FAM117B: variants seen among roughly 807,000 people sequenced by gnomAD.
The protein encoded by FAM117B is family with sequence similarity 117 member B, also known as protein FAM117B.
FAM117B carries 22 observed loss-of-function variants against 52.8 expected under a neutral mutation model. The ratio of observed to expected loss-of-function variants is 0.42; its 90% CI spans 0.30 to 0.59. FAM117B has a LOEUF of 0.59. Among genes scored for constraint, FAM117B ranks in the 20% least tolerant of loss-of-function variants. FAM117B has a pLI of 0.22. For missense variants in FAM117B, 678 were observed against 802.6 expected (o/e 0.84, Z 1.88); for synonymous variants, 309 against 324.1 (o/e 0.95, Z 0.50).
In FAM117B at chr2:202,635,092, T is replaced by C. The variant is rs1228189999; in HGVS notation, c.-96T>C. The C allele has an allele frequency of 4.9e-6, 6 of 1,235,892 alleles. No individual in the cohort carries two copies. The highest frequency in any genetic ancestry group is 3.1e-4 in the Middle Eastern group (1 of 3,200). 76.6% of individuals were successfully genotyped at this position (1,235,892 alleles called of 1,614,324 possible). On this transcript the variant is annotated 5_prime_UTR_variant, in exon 1 of 8. Coordinates refer to ENST00000392238, the MANE Select transcript of FAM117B (RefSeq NM_173511.4). ...GGAGTCCGGCTTCGTCACCCCGTCT[T>C]GGGGGGCCTGCCCTCCGGCCTCGAG...
At chr2:202,672,766 GGCTCAT>G (rs1244560355) in intron 1 of FAM117B, among the ~76,000 whole-genome samples, 1 of 152,118 alleles carries the variant, frequency 6.6e-6, no homozygotes, top group Non-Finnish European at 1.5e-5. Context: ...TGGGTGTGGT[GGCTCAT>G]GCCTGTAATC....
chr2:202,702,018 G>A lies in FAM117B; in HGVS notation c.753+5986G>A, dbSNP rs577940064. The stretch of plus-strand genomic sequence containing the variant: ...GTACTATGGGCAATATGCTACCCAC[G>A]CAGCATTGTGTGCTACAGAAAAATC... On this transcript the variant is annotated intron_variant, in intron 2 of 7. Coordinates refer to ENST00000392238, the MANE Select transcript of FAM117B (RefSeq NM_173511.4). 5.9e-4 allele frequency among the ~76,000 whole-genome samples: 90 copies of A among 152,282 alleles called. 1 individual carries two copies. The highest frequency in any genetic ancestry group is 2.0e-3 in the African/African-American group (84 of 41,552).
rs1001900146 is a variant in FAM117B, at chr2:202,731,591, C to T, written c.960+5228C>T. Among the ~76,000 whole-genome samples, 45 of 150,844 alleles carry T rather than the reference C, an allele frequency of 3.0e-4. No homozygotes were observed. In the East Asian group the frequency reaches 3.5e-3, roughly 12 times the overall value. ...GATTACAGGCACCTACCACCATGCC[C>T]GGCTAATTTTTTGAGTTTTTAGTAA... On this transcript the variant is annotated intron_variant, in intron 4 of 7. Coordinates refer to ENST00000392238, the MANE Select transcript of FAM117B (RefSeq NM_173511.4).
intron 2 of FAM117B, among the ~76,000 whole-genome samples, chr2:202,703,295 C>T (rs547796004): frequency 9.2e-5 from 14 of 152,234 alleles, no homozygotes; most frequent in African/African-American, 1.7e-4. Flanking sequence ...GCATCTGACT[C>T]ATTTCACTTA....
At position 202,634,994 on chromosome 2, in the gene FAM117B, A is replaced by AGCAGCGGCG. The variant is rs760350219; in HGVS notation, c.-192_-191insAGCGGCGGC. The stretch of plus-strand genomic sequence containing the variant: ...AGAGGAGACACTATTGTTGATGAGG[A>AGCAGCGGCG]GCGGCGGCGGCGGCGGCGGCGGCTG... On this transcript the variant is annotated 5_prime_UTR_variant, in exon 1 of 8. Transcript: ENST00000392238. Among the ~76,000 whole-genome samples, 13 of 147,534 alleles carry AGCAGCGGCG rather than the reference A, an allele frequency of 8.8e-5. No individual in the cohort carries two copies. Among genetic ancestry groups the AGCAGCGGCG allele is most frequent in the South Asian group, 4.2e-4 (2 of 4,728 alleles).
intron 1 of FAM117B, among the ~76,000 whole-genome samples, chr2:202,658,377 C>T (rs1690081345): frequency 6.6e-6 from 1 of 152,106 alleles, no homozygotes; most frequent in Non-Finnish European, 1.5e-5. Context: ...GATCTTGGCT[C>T]ACTGCAGCCT....
Position 202,765,542 on chromosome 2 carries a change from C to T in FAM117B, c.1548C>T (p.Ser516=), listed in dbSNP as rs371224935. 2.5e-6 allele frequency: 4 copies of T among 1,614,148 alleles called. No homozygotes were observed. The African/African-American group carries it at 5.3e-5, about 22-fold the overall frequency. Residue 516 remains serine (S), a synonymous_variant, in exon 8 of 8, where the codon AGC becomes AGT. Transcript: ENST00000392238. ...PKSGSAFCLV[S]ILKPLLPTPD... is the part of the protein sequence containing the mutation. ...GTGGATCTGCTTTCTGCCTCGTCAG[C>T]ATCCTCAAGCCACTCCTTCCTACCC...
At chr2:202,731,598 T>G (rs1188435113) in intron 4 of FAM117B, among the ~76,000 whole-genome samples, 1 of 150,594 alleles carries the variant, frequency 6.6e-6, no homozygotes. Context: ...GCCCGGCTAA[T>G]TTTTTGAGTT....
At chr2:202,636,369 A>G (rs1689686694) in intron 1 of FAM117B, among the ~76,000 whole-genome samples, 1 of 152,226 alleles carries the variant, frequency 6.6e-6, no homozygotes, top group Non-Finnish European at 1.5e-5. Context: ...AAATTAAACA[A>G]GATTCCTTAG....
chr2:202,688,494 TAAAAG>T (rs1321125745), intron 1 of FAM117B, among the ~76,000 whole-genome samples: 1 of 152,078 alleles, frequency 6.6e-6, no homozygotes, highest in Non-Finnish European at 1.5e-5. Context: ...TTGAATTTCA[TAAAAG>T]AAAAGGAAAC....
intron 2 of FAM117B, among the ~76,000 whole-genome samples, chr2:202,699,571 G>A (rs1183758322): frequency 6.6e-6 from 1 of 150,916 alleles, no homozygotes; most frequent in African/African-American, 2.4e-5. Context: ...TTACATGGTG[G>A]GCTCTCATCT....
chr2:202,701,088 G>A (rs930878172), intron 2 of FAM117B, among the ~76,000 whole-genome samples: 4 of 152,142 alleles, frequency 2.6e-5, no homozygotes, highest in Non-Finnish European at 4.4e-5. Flanking sequence ...CTGACTTTAA[G>A]GAACAGGCCA....
Position 202,765,472 on chromosome 2 carries a change from C to A in FAM117B, c.1478C>A (p.Ala493Asp). 1 of 1,613,884 alleles carries A rather than the reference C, an allele frequency of 6.2e-7. No homozygotes were observed. Among genetic ancestry groups the A allele is most frequent in the Non-Finnish European group, 8.5e-7 (1 of 1,179,988 alleles). Residue 493 changes from alanine to aspartate, a missense_variant, in exon 8 of 8, where the codon GCC becomes GAC. Transcript: ENST00000392238. ...CSPKQLHEIP[A>D]FYCPDKNKVN... Reference sequence around the variant, plus strand: ...CCAAAACAGCTTCATGAAATCCCAGCCTTTTATTGTCCTGACAAAAACAAG... The same window carrying A: ...CCAAAACAGCTTCATGAAATCCCAGACTTTTATTGTCCTGACAAAAACAAG...
chr2:202,749,947 T>C (rs1691698331), intron 4 of FAM117B, among the ~76,000 whole-genome samples: 1 of 152,174 alleles, frequency 6.6e-6, no homozygotes, highest in South Asian at 2.1e-4. Context: ...AAGGTGAGTG[T>C]ATTAGTCTCT....
At chr2:202,739,752 A>C (rs1394378242) in intron 4 of FAM117B, among the ~76,000 whole-genome samples, 1 of 152,124 alleles carries the variant, frequency 6.6e-6, no homozygotes, top group African/African-American at 2.4e-5. Context: ...GAACCACTGT[A>C]TCTGGCCTCT....
chr2:202,769,129 C>A lies in FAM117B; in HGVS notation c.*3365C>A, dbSNP rs1447058399. ...ACTTATGACTACAGTCCAAATCAGT[C>A]TTTTAGAAGGTGCTCTTGCTAACTG... On this transcript the variant is annotated 3_prime_UTR_variant, in exon 8 of 8. Coordinates refer to ENST00000392238, the MANE Select transcript of FAM117B (RefSeq NM_173511.4). The A allele has an allele frequency of 2.0e-5, 3 of 152,088 alleles. No individual in the cohort carries two copies. Among genetic ancestry groups the A allele is most frequent in the African/African-American group, 7.2e-5 (3 of 41,404 alleles). 9.4% of individuals were successfully genotyped at this position (152,088 alleles called of 1,614,324 possible).
At chr2:202,647,119 A>AT (rs1396134632) in intron 1 of FAM117B, among the ~76,000 whole-genome samples, 3 of 152,034 alleles carry the variant, frequency 2.0e-5, no homozygotes, top group Admixed American at 6.6e-5. Context: ...AATGGGATTT[A>AT]TTTTTTCTAA....
At chr2:202,706,566 G>A (rs1055914671) in intron 2 of FAM117B, among the ~76,000 whole-genome samples, 2 of 152,176 alleles carry the variant, frequency 1.3e-5, no homozygotes, top group South Asian at 4.1e-4. Flanking sequence ...ACTGAAGACA[G>A]CTGTTTATAA....
intron 4 of FAM117B, among the ~76,000 whole-genome samples, chr2:202,740,018 A>G (rs2105792727): frequency 6.6e-6 from 1 of 151,352 alleles, no homozygotes; most frequent in East Asian, 2.0e-4. Context: ...CTAAAAATAT[A>G]AAAAATTAGC....
Sources: gnomAD v4.1 joint callset for allele counts (sites outside exome capture counted in the v4.1 genomes callset) on GRCh38, gnomAD v4.1.1 for gene constraint, MANE v1.5 for transcripts, NCBI Gene and HGNC (gene_info 2026-07-23, HGNC 2026-07-21) for gene names.